The following PTCSC3 variants were observed in gnomAD, a reference collection of about 807,000 sequenced individuals.
The protein encoded by PTCSC3 is papillary thyroid carcinoma susceptibility candidate 3 (non-protein coding).
At chr14:36,161,563 G>A (rs1160635193) in intron 2 of PTCSC3, among the ~76,000 whole-genome samples, 1 of 152,320 alleles carries the variant, frequency 6.6e-6, no homozygotes, top group East Asian at 1.9e-4. Flanking sequence ...CTACAGAACA[G>A]TAAAGATTGC....
chr14:36,143,612 T>G (rs1311098408), intron 3 of PTCSC3, among the ~76,000 whole-genome samples: 1 of 149,570 alleles, frequency 6.7e-6, no homozygotes, highest in East Asian at 2.0e-4. Context: ...GTAGGTTGCC[T>G]GTTCACTCTG....
intron 3 of PTCSC3, among the ~76,000 whole-genome samples, chr14:36,151,011 T>TATC (rs1881709397): frequency 6.6e-6 from 1 of 152,198 alleles, no homozygotes; most frequent in African/African-American, 2.4e-5. Flanking sequence ...TTCTCACCTA[T>TATC]ATCATTTTTC....
chr14:36,154,067 G>A lies in PTCSC3; in HGVS notation n.232-173C>T, dbSNP rs76680846. 2.5e-3 allele frequency among the ~76,000 whole-genome samples: 368 copies of A among 145,006 alleles called. 1 individual carries two copies. Among genetic ancestry groups the A allele is most frequent in the Middle Eastern group, 7.0e-3 (2 of 284 alleles). The stretch of plus-strand genomic sequence containing the variant: ...GGGTGACACAGTGGGACCCTGTCTC[G>A]AAAAAAAAAAAAACTACTGCTACAA... On this transcript the variant is annotated intron_variant and non_coding_transcript_variant, in intron 2 of 3. Coordinates refer to ENST00000556013, the Ensembl canonical transcript of PTCSC3.
At chr14:36,146,520 T>A (rs1203532909) in intron 3 of PTCSC3, among the ~76,000 whole-genome samples, 1 of 151,924 alleles carries the variant, frequency 6.6e-6, no homozygotes, top group African/African-American at 2.4e-5. Context: ...GCTTGGTAGA[T>A]CTTCCTCCAT....
intron 3 of PTCSC3, among the ~76,000 whole-genome samples, chr14:36,147,905 G>A (rs952971435): frequency 1.3e-5 from 2 of 151,862 alleles, no homozygotes; most frequent in Non-Finnish European, 2.9e-5. Context: ...CTGCAGGTCT[G>A]TTGGAATACC....
intron 3 of PTCSC3, among the ~76,000 whole-genome samples, chr14:36,151,448 G>T (rs981960825): frequency 6.6e-6 from 1 of 152,034 alleles, no homozygotes; most frequent in Non-Finnish European, 1.5e-5. Context: ...ATTATGATAC[G>T]TTATTACTTC....
At chr14:36,168,608 GT>G in intron 1 of PTCSC3, among the ~76,000 whole-genome samples, 1 of 151,826 alleles carries the variant, frequency 6.6e-6, no homozygotes, top group Non-Finnish European at 1.5e-5. Context: ...AGAAAGAAAG[GT>G]TTTTAATAAA....
chr14:36,151,259 T>C (rs1180133265), intron 3 of PTCSC3, among the ~76,000 whole-genome samples: 4 of 152,148 alleles, frequency 2.6e-5, no homozygotes, highest in African/African-American at 7.2e-5. Flanking sequence ...ACTCTATCCT[T>C]GTTCCTCTGT....
chr14:36,143,229 C>CCA (rs1881468633), intron 3 of PTCSC3, among the ~76,000 whole-genome samples: 1 of 146,802 alleles, frequency 6.8e-6, no homozygotes. Context: ...TGAGGAATCA[C>CCA]CACACTGACT....
intron 1 of PTCSC3, among the ~76,000 whole-genome samples, chr14:36,166,187 G>A (rs1038912166): frequency 3.3e-5 from 5 of 152,186 alleles, no homozygotes; most frequent in Admixed American, 6.5e-5. Context: ...TTCATGCTAA[G>A]TAATATGTGA....
At chr14:36,164,320 T>G (rs1426570611) in intron 1 of PTCSC3, 3 of 152,160 alleles carry the variant, frequency 2.0e-5, no homozygotes, top group African/African-American at 7.2e-5. Flanking sequence ...AGTTTTTACT[T>G]AGGAGAATAT....
chr14:36,160,396 T>C (rs1381316128), intron 2 of PTCSC3, among the ~76,000 whole-genome samples: 1 of 152,196 alleles, frequency 6.6e-6, no homozygotes, highest in African/African-American at 2.4e-5. Context: ...TGTACTTCCT[T>C]CAGGAGCTCT....
chr14:36,159,806 T>A (rs1050289249), intron 2 of PTCSC3, among the ~76,000 whole-genome samples: 12 of 151,232 alleles, frequency 7.9e-5, no homozygotes, highest in Non-Finnish European at 1.8e-4. Flanking sequence ...CTTGTTAATA[T>A]TCCTGTCTAA....
At chr14:36,147,396 C>G (rs960112496) in intron 3 of PTCSC3, among the ~76,000 whole-genome samples, 3 of 152,108 alleles carry the variant, frequency 2.0e-5, no homozygotes, top group South Asian at 2.1e-4. Context: ...TTCCCTTCTC[C>G]CTTCATTTCA....
intron 3 of PTCSC3, among the ~76,000 whole-genome samples, chr14:36,144,044 C>T (rs1881494616): frequency 6.6e-6 from 1 of 152,054 alleles, no homozygotes; most frequent in Non-Finnish European, 1.5e-5. Context: ...CAGTACCATG[C>T]TGTTTTGGTT....
intron 3 of PTCSC3, among the ~76,000 whole-genome samples, chr14:36,144,349 T>A (rs1238690387): frequency 2.1e-5 from 3 of 144,960 alleles, no homozygotes; most frequent in Non-Finnish European, 4.5e-5. Flanking sequence ...CAGTGGTTTG[T>A]AGTTCTCCTT....
intron 3 of PTCSC3, among the ~76,000 whole-genome samples, chr14:36,137,006 A>G (rs1208044224): frequency 6.6e-6 from 1 of 152,228 alleles, no homozygotes; most frequent in African/African-American, 2.4e-5. Context: ...GAAGGGGAAG[A>G]CAAGAAAGTT....
intron 3 of PTCSC3, among the ~76,000 whole-genome samples, chr14:36,141,724 T>A (rs1156921926): frequency 6.6e-6 from 1 of 152,126 alleles, no homozygotes; most frequent in Non-Finnish European, 1.5e-5. Context: ...ATGTATATAT[T>A]TTATCTAAGC....
At chr14:36,138,862 G>A (rs1881349083) in intron 3 of PTCSC3, among the ~76,000 whole-genome samples, 1 of 152,132 alleles carries the variant, frequency 6.6e-6, no homozygotes, top group Admixed American at 6.5e-5. Flanking sequence ...GCTCGCGGCT[G>A]TAATCCTAGC....
Sources: gnomAD v4.1 joint callset for allele counts (sites outside exome capture counted in the v4.1 genomes callset) on GRCh38, gnomAD v4.1.1 for gene constraint, MANE v1.5 for transcripts, NCBI Gene and HGNC (gene_info 2026-07-23, HGNC 2026-07-21) for gene names.